Variants in SPOCK3 observed in about 807,000 individuals in gnomAD.
SPOCK3 encodes the protein testican-3.
SPOCK3 carries 30 observed loss-of-function variants against 56.6 expected under a neutral mutation model. The ratio of observed to expected loss-of-function variants is 0.53; its 90% CI spans 0.40 to 0.72. The LOEUF is 0.72. Ranked by LOEUF, SPOCK3 falls within the 30% of genes least tolerant of loss-of-function variation. The pLI is 0.00. For missense variants in SPOCK3, 527 were observed against 530.0 expected (o/e 0.99, Z 0.06); for synonymous variants, 196 against 183.3 (o/e 1.07, Z -0.56).
intron 6 of SPOCK3, among the ~76,000 whole-genome samples, chr4:166,843,493 A>G (rs758326546): frequency 2.0e-5 from 3 of 152,200 alleles, no homozygotes; most frequent in South Asian, 4.1e-4. Flanking sequence ...GTGTAGAATT[A>G]AGGGACAAGA....
intron 2 of SPOCK3, among the ~76,000 whole-genome samples, chr4:167,182,752 G>A (rs1731598622): frequency 6.6e-6 from 1 of 152,068 alleles, no homozygotes; most frequent in East Asian, 1.9e-4. Context: ...TAGTTAAGCT[G>A]GTCTTGAATT....
At chr4:166,922,995 A>C (rs958132793) in intron 4 of SPOCK3, among the ~76,000 whole-genome samples, 1 of 152,214 alleles carries the variant, frequency 6.6e-6, no homozygotes, top group Non-Finnish European at 1.5e-5. Context: ...GATTTAAACA[A>C]CGAAATTTAA....
intron 2 of SPOCK3, among the ~76,000 whole-genome samples, chr4:167,071,437 G>C (rs1756670950): frequency 6.7e-6 from 1 of 150,004 alleles, no homozygotes; most frequent in African/African-American, 2.5e-5. Context: ...TCCCCACCCT[G>C]TGTTCATGTG....
rs1200589259 is a variant in SPOCK3 at position 166,811,428 on chromosome 4, G to GT, written c.590-19140dup. Among the ~76,000 whole-genome samples, 12 of 149,712 alleles carry GT rather than the reference G, an allele frequency of 8.0e-5. No homozygotes were observed. The South Asian group carries it at 1.5e-3, about 18-fold the overall frequency. ...TATTTTTATTATCCTATAGTTTCAT[G>GT]TTTTTTTTCACTCCATTGTGATTTC... On this transcript the variant is annotated intron_variant, in intron 6 of 10. Transcript: ENST00000357545.
chr4:166,738,779 T>A (rs1234755684), intron 9 of SPOCK3, among the ~76,000 whole-genome samples: 1 of 151,880 alleles, frequency 6.6e-6, no homozygotes, highest in Non-Finnish European at 1.5e-5. Context: ...TTCATCCATG[T>A]CGCTATAAAG....
chr4:166,963,804 A>G (rs13103275), intron 4 of SPOCK3, among the ~76,000 whole-genome samples: 3 of 151,916 alleles, frequency 2.0e-5, no homozygotes, highest in Non-Finnish European at 4.4e-5. Context: ...TTTTATCCCA[A>G]TGTCAGATTT....
At chr4:167,020,876 T>C (rs1386071961) in intron 3 of SPOCK3, among the ~76,000 whole-genome samples, 1 of 152,030 alleles carries the variant, frequency 6.6e-6, no homozygotes, top group African/African-American at 2.4e-5. Flanking sequence ...TCAAAATTGT[T>C]GGGATAAAGT....
intron 2 of SPOCK3, among the ~76,000 whole-genome samples, chr4:167,097,995 T>C (rs1759308849): frequency 1.3e-5 from 2 of 151,922 alleles, no homozygotes; most frequent in Admixed American, 1.3e-4. Context: ...TGTGCTTGTG[T>C]CTCTGGCCTG....
intron 2 of SPOCK3, among the ~76,000 whole-genome samples, chr4:167,201,160 T>C (rs1364918911): frequency 1.3e-5 from 2 of 151,866 alleles, no homozygotes; most frequent in Non-Finnish European, 2.9e-5. Flanking sequence ...AGAAGAAAAA[T>C]AAACATGCAT....
chr4:166,824,262 C>A (rs1745225970), intron 6 of SPOCK3, among the ~76,000 whole-genome samples: 1 of 152,066 alleles, frequency 6.6e-6, no homozygotes, highest in African/African-American at 2.4e-5. Flanking sequence ...TCAAATCCCT[C>A]GAAGTATTCT....
At chr4:167,077,438 A>G (rs1757302212) in intron 2 of SPOCK3, among the ~76,000 whole-genome samples, 1 of 151,910 alleles carries the variant, frequency 6.6e-6, no homozygotes, top group African/African-American at 2.4e-5. Context: ...ATCTAATTGC[A>G]TCTTAGCTCA....
chr4:167,130,554 A>G (rs1213195314), intron 2 of SPOCK3, among the ~76,000 whole-genome samples: 1 of 152,150 alleles, frequency 6.6e-6, no homozygotes, highest in African/African-American at 2.4e-5. Flanking sequence ...AAAAAATACT[A>G]TTTAATTTAG....
chr4:166,865,639 GACAA>G (rs1237558947), intron 6 of SPOCK3, among the ~76,000 whole-genome samples: 1 of 152,036 alleles, frequency 6.6e-6, no homozygotes, highest in Non-Finnish European at 1.5e-5. Context: ...ACCAATAACA[GACAA>G]ACAGAGAGCC....
At chr4:166,899,241 CATATCTAT>C (rs1344892776) in intron 5 of SPOCK3, among the ~76,000 whole-genome samples, 1 of 115,718 alleles carries the variant, frequency 8.6e-6, no homozygotes, top group Non-Finnish European at 1.9e-5. Flanking sequence ...TAAATCTCCT[CATATCTAT>C]CTATCTATCT....
rs571471559 is a variant in SPOCK3, at chr4:167,062,101, C to T, written c.235+391G>A. ...ACTAATTTACTAGTCTTAAAGGAAA[C>T]CTTTTATTAATTGGAAAAGAGGCAA... On this transcript the variant is annotated intron_variant, in intron 3 of 10. Transcript: ENST00000357545. Among the ~76,000 whole-genome samples the T allele has an allele frequency of 3.3e-5, 5 of 151,694 alleles. 1 individual carries two copies. The South Asian group carries it at 1.0e-3, about 31-fold the overall frequency.
chr4:166,995,182 T>C (rs1748221064), intron 4 of SPOCK3, among the ~76,000 whole-genome samples: 1 of 152,048 alleles, frequency 6.6e-6, no homozygotes, highest in Admixed American at 6.6e-5. Context: ...ATAACAACTG[T>C]AAGTCATCTT....
At chr4:166,958,087 G>A (rs562683106) in intron 4 of SPOCK3, among the ~76,000 whole-genome samples, 1 of 152,242 alleles carries the variant, frequency 6.6e-6, no homozygotes, top group African/African-American at 2.4e-5. Context: ...TATGCTAGGG[G>A]GAGAGCCTGG....
chr4:166,897,683 T>A (rs1397036988), intron 5 of SPOCK3, among the ~76,000 whole-genome samples: 1 of 152,130 alleles, frequency 6.6e-6, no homozygotes, highest in Non-Finnish European at 1.5e-5. Context: ...TCCAAGAAAT[T>A]GCAGCATCTT....
chr4:166,848,572 A>C (rs1035502854), intron 6 of SPOCK3, among the ~76,000 whole-genome samples: 3 of 152,222 alleles, frequency 2.0e-5, no homozygotes, highest in Non-Finnish European at 4.4e-5. Context: ...TGGATACCTC[A>C]TGAAGTAAGT....
Sources: allele counts gnomAD v4.1 joint callset (sites outside exome capture counted in the v4.1 genomes callset), GRCh38; gene constraint gnomAD v4.1.1; transcripts MANE v1.5; gene names NCBI Gene and HGNC (gene_info 2026-07-23, HGNC 2026-07-21).